Variants in CHD6 observed in about 807,000 individuals in gnomAD.
The protein encoded by CHD6 is ATP-dependent chromatin remodeler CHD6.
A neutral mutation model predicts 276.9 loss-of-function variants in CHD6; 50 were observed. That is an observed-to-expected ratio of 0.18 (90% CI 0.14 to 0.23). The LOEUF (loss-of-function observed/expected upper bound fraction) is 0.23, where lower values mean the gene tolerates loss of function less well. CHD6 is among the 10% of genes least tolerant of loss of function. The pLI, the probability that CHD6 is intolerant of heterozygous loss-of-function variation, is 1.00. For missense variants in CHD6, 2,564 were observed against 3,365.8 expected, an observed-to-expected ratio of 0.76 and a Z score of 5.89; for synonymous variants, 1,173 against 1,229.3, an observed-to-expected ratio of 0.95 and a Z score of 0.96.
At chr20:41,495,632 G>GA (rs2043666174) in intron 8 of CHD6, among the ~76,000 whole-genome samples, 1 of 151,876 alleles carries the variant, frequency 6.6e-6, no homozygotes, top group Admixed American at 6.6e-5. Flanking sequence ...GGGGAAAAAA[G>GA]AAAGAAAAAA....
At chr20:41,554,139 T>C (rs2045185870) in intron 1 of CHD6, among the ~76,000 whole-genome samples, 1 of 152,160 alleles carries the variant, frequency 6.6e-6, no homozygotes, top group Non-Finnish European at 1.5e-5. Context: ...AGTGAGGCCC[T>C]GTCTCAAAAA....
At chr20:41,431,869 A>G (rs978988842) in intron 27 of CHD6, among the ~76,000 whole-genome samples, 7 of 151,452 alleles carry the variant, frequency 4.6e-5, no homozygotes, top group African/African-American at 1.7e-4. Context: ...AGGCCCTCAA[A>G]AAAAACCTTC....
chr20:41,552,279 C>T (rs561871518), intron 1 of CHD6, among the ~76,000 whole-genome samples: 1 of 152,304 alleles, frequency 6.6e-6, no homozygotes, highest in South Asian at 2.1e-4. Context: ...TCCTGTTCAT[C>T]CCACACAACT....
At chr20:41,467,569 A>G (rs1337370765) in intron 17 of CHD6, among the ~76,000 whole-genome samples, 8 of 148,332 alleles carry the variant, frequency 5.4e-5, no homozygotes, top group East Asian at 2.0e-4. Flanking sequence ...ATGAAAAAAA[A>G]AAAAAAAAAA....
chr20:41,585,431 A>G (rs1201707331), intron 1 of CHD6, among the ~76,000 whole-genome samples: 1 of 150,040 alleles, frequency 6.7e-6, no homozygotes, highest in African/African-American at 2.5e-5. Context: ...ACCTGGTTGC[A>G]GTGAGCCAAG....
At chr20:41,414,888 C>T (rs1440446199) in intron 34 of CHD6, 5 of 1,256,634 alleles carry the variant, frequency 4.0e-6, no homozygotes, top group Middle Eastern at 6.3e-4. Flanking sequence ...CCATCTTGCT[C>T]TGCCGTGCCG....
At chr20:41,418,494 C>T (rs1280831857) in intron 31 of CHD6, among the ~76,000 whole-genome samples, 5 of 152,006 alleles carry the variant, frequency 3.3e-5, no homozygotes, top group Non-Finnish European at 7.4e-5. Flanking sequence ...CTAGAACATG[C>T]TGAGTCCTCT....
At chr20:41,469,508 A>G (rs1286934111) in intron 17 of CHD6, among the ~76,000 whole-genome samples, 1 of 152,220 alleles carries the variant, frequency 6.6e-6, no homozygotes, top group Non-Finnish European at 1.5e-5. Flanking sequence ...TCCTAAGAAG[A>G]AAGAAGACAA....
Position 41,445,747 on chromosome 20 carries a change from A to G in CHD6, c.3795T>C (p.Pro1265=), listed in dbSNP as rs1327495064. ...SPARELDVPL[P]DIDYMEIPVD... is the part of the protein sequence containing the mutation. ...CTGGGATCTCCATGTAGTCGATGTC[A>G]GGCAGAGGTACATCCAGCTCCCTAG... The change falls in exon 25 of 37, where the codon CCT becomes CCC. Residue 1265 remains proline (P), a synonymous_variant. Transcript: ENST00000373233. The G allele has an allele frequency of 3.1e-6, 5 of 1,612,816 alleles. No homozygotes were observed. The African/African-American group carries it at 6.7e-5, about 22-fold the overall frequency.
chr20:41,416,385 C>G (rs1367457577), intron 33 of CHD6, among the ~76,000 whole-genome samples: 1 of 152,202 alleles, frequency 6.6e-6, no homozygotes, highest in Non-Finnish European at 1.5e-5. Flanking sequence ...CTGCTTTCAT[C>G]ATGCCTTCTC....
chr20:41,438,021 G>A (rs560860155), intron 26 of CHD6, among the ~76,000 whole-genome samples: 4 of 152,288 alleles, frequency 2.6e-5, no homozygotes, highest in African/African-American at 7.2e-5. Flanking sequence ...ATGTGACTCT[G>A]ATAAAAGAAC....
At chr20:41,493,020 GTAATAA>G (rs1226378629) in intron 10 of CHD6, among the ~76,000 whole-genome samples, 5 of 152,088 alleles carry the variant, frequency 3.3e-5, no homozygotes, top group African/African-American at 1.2e-4. Context: ...CAGTTGAGTG[GTAATAA>G]TCCAGAATCA....
rs754315202 is a variant in CHD6, at chr20:41,405,373, A to G, written c.7368T>C (p.Ile2456=). Reference sequence around the variant, plus strand: ...CCATTCCAGAGGGAGAGTCTGCCACAATGGAAGGAGCCTTCAGGAGTTCGC... The same window carrying G: ...CCATTCCAGAGGGAGAGTCTGCCACGATGGAAGGAGCCTTCAGGAGTTCGC... ...PRSELLKAPS[I]VADSPSGMGP... Residue 2456 remains isoleucine, a synonymous_variant, in exon 37 of 37, where the codon ATT becomes ATC. Transcript: ENST00000373233. 7.4e-6 allele frequency: 12 copies of G among 1,614,236 alleles called. No individual in the cohort carries two copies. The highest frequency in any genetic ancestry group is 1.0e-5 in the Non-Finnish European group (12 of 1,180,042).
At chr20:41,417,618 A>G (rs922243188) in intron 31 of CHD6, among the ~76,000 whole-genome samples, 1 of 152,146 alleles carries the variant, frequency 6.6e-6, no homozygotes, top group African/African-American at 2.4e-5. Context: ...GAGAAAGGAA[A>G]TTTTTCTTGT....
chr20:41,423,522 C>T lies in CHD6; in HGVS notation c.4525G>A (p.Val1509Ile). The change falls in exon 30 of 37, where the codon GTC becomes ATC. Residue 1509 changes from valine (V) to isoleucine (I), a missense_variant. Around this residue, in one of 7 missense-constraint regions of CHD6, gnomAD observed 515 missense variants for 739.5 expected, o/e 0.70. Coordinates refer to ENST00000373233, the MANE Select transcript of CHD6 (RefSeq NM_032221.5). ...FYSFVAMCRN[V>I]CRLPTWKDGG... ...TCTTTCCATGTGGGTAGACGACAGA[C>T]ATTCCGGCACATGGCCACAAAACTA... The T allele has an allele frequency of 6.2e-7, 1 of 1,614,238 alleles. No homozygotes were observed. The highest frequency in any genetic ancestry group is 8.5e-7 in the Non-Finnish European group (1 of 1,180,030).
At chr20:41,512,192 T>C (rs1413235371) in intron 5 of CHD6, among the ~76,000 whole-genome samples, 1 of 151,784 alleles carries the variant, frequency 6.6e-6, no homozygotes, top group Non-Finnish European at 1.5e-5. Context: ...CTCGAACTCC[T>C]GGCCTCAAGT....
intron 17 of CHD6, among the ~76,000 whole-genome samples, chr20:41,458,691 T>C (rs181766515): frequency 1.4e-3 from 211 of 152,270 alleles, no homozygotes; most frequent in African/African-American, 4.9e-3. Context: ...TTCCCTTGCT[T>C]TCAACATATT....
At chr20:41,545,543 T>G (rs745607585) in intron 2 of CHD6, among the ~76,000 whole-genome samples, 5 of 152,082 alleles carry the variant, frequency 3.3e-5, no homozygotes, top group Non-Finnish European at 7.4e-5. Flanking sequence ...GGCCAAAAAG[T>G]CTTAAAAGTA....
At chr20:41,590,630 C>A (rs1286955547) in intron 1 of CHD6, among the ~76,000 whole-genome samples, 2 of 152,164 alleles carry the variant, frequency 1.3e-5, no homozygotes, top group African/African-American at 2.4e-5. Flanking sequence ...CACTGGCCAT[C>A]AGAGAAATGC....
Sources: gnomAD v4.1 joint callset for allele counts (sites outside exome capture counted in the v4.1 genomes callset) on GRCh38, gnomAD v4.1.1 for gene constraint, gnomAD v4.1.1 regional missense constraint, MANE v1.5 for transcripts, NCBI Gene and HGNC (gene_info 2026-07-23, HGNC 2026-07-21) for gene names.